RBFOX1: variants seen among roughly 807,000 people sequenced by gnomAD.
RBFOX1 encodes RNA binding fox-1 homolog 1.
In RBFOX1, 8 loss-of-function variants were observed where a neutral mutation model predicts 57.7. The ratio of observed to expected loss-of-function variants is 0.14; its 90% CI spans 0.08 to 0.25. The LOEUF (loss-of-function observed/expected upper bound fraction) is 0.25, where lower values mean the gene tolerates loss of function less well. RBFOX1 is among the 10% of genes least tolerant of loss of function. The pLI, the probability that RBFOX1 is intolerant of heterozygous loss-of-function variation, is 1.00. For missense variants in RBFOX1, 611 were observed against 548.5 expected (o/e 1.11, Z -1.14); for synonymous variants, 326 against 222.4 (o/e 1.47, Z -4.15).
intron 3 of RBFOX1, among the ~76,000 whole-genome samples, chr16:6,847,846 G>T (rs7199792): frequency 0.085 from 12,837 of 151,802 alleles, 726 homozygotes; most frequent in East Asian, 0.26. Flanking sequence ...TTTTGGTGGT[G>T]GTTGTTGTTG....
At chr16:7,043,790 C>T (rs1451909251) in intron 3 of RBFOX1, among the ~76,000 whole-genome samples, 3 of 152,192 alleles carry the variant, frequency 2.0e-5, no homozygotes, top group Non-Finnish European at 2.9e-5. Context: ...CTCACCAGTT[C>T]CCTCTTGCAC....
At chr16:5,258,977 C>T (rs995547687) in intron 1 of RBFOX1, among the ~76,000 whole-genome samples, 1 of 152,008 alleles carries the variant, frequency 6.6e-6, no homozygotes, top group Non-Finnish European at 1.5e-5. Flanking sequence ...TCCCATCTGG[C>T]CCCTGCTCCT....
At chr16:6,013,684 A>G (rs2094975387) in intron 4 of RBFOX1, among the ~76,000 whole-genome samples, 1 of 152,168 alleles carries the variant, frequency 6.6e-6, no homozygotes, top group South Asian at 2.1e-4. Flanking sequence ...TTGCTCATCT[A>G]TTTAAAAAGG....
Position 6,610,654 on chromosome 16 carries a change from A to G in RBFOX1, c.-63-43949A>G, listed in dbSNP as rs139737918. 3.5e-3 allele frequency among the ~76,000 whole-genome samples: 538 copies of G among 152,280 alleles called. 8 individuals carry two copies. The highest frequency in any genetic ancestry group is 0.012 in the African/African-American group (499 of 41,556). On this transcript the variant is annotated intron_variant, in intron 2 of 15. Coordinates refer to ENST00000550418, the MANE Select transcript of RBFOX1 (RefSeq NM_018723.4). ...CCGATCAACATTATCCTGATTATAC[A>G]TTAACTCAGGTGAGCTTCATATATG...
intron 4 of RBFOX1, among the ~76,000 whole-genome samples, chr16:7,217,627 C>T (rs2092315020): frequency 6.6e-6 from 1 of 151,434 alleles, no homozygotes; most frequent in African/African-American, 2.4e-5. Flanking sequence ...AATTACTTGG[C>T]TTGAAAAGGA....
intron 1 of RBFOX1, among the ~76,000 whole-genome samples, chr16:5,405,699 G>A (rs995108544): frequency 2.0e-5 from 3 of 152,192 alleles, no homozygotes; most frequent in African/African-American, 7.2e-5. Flanking sequence ...CTCATGGGAG[G>A]CAGACTTGGT....
intron 4 of RBFOX1, among the ~76,000 whole-genome samples, chr16:7,193,329 C>G (rs1225505480): frequency 5.3e-5 from 8 of 152,192 alleles, no homozygotes. Flanking sequence ...AAGGCAAGAA[C>G]TCAGATTCTT....
intron 3 of RBFOX1, among the ~76,000 whole-genome samples, chr16:5,767,831 C>G (rs186377018): frequency 6.6e-6 from 1 of 152,128 alleles, no homozygotes; most frequent in Non-Finnish European, 1.5e-5. Context: ...TGGCCACCTC[C>G]TCCCCCTCAC....
In RBFOX1 at chr16:7,712,238, C is replaced by T. The variant is rs893013836; in HGVS notation, c.*1493C>T. On this transcript the variant is annotated 3_prime_UTR_variant, in exon 16 of 16. Coordinates refer to ENST00000550418, the MANE Select transcript of RBFOX1 (RefSeq NM_018723.4). ...TTTTGTATTTAAATAAAAACAACAGCAGCAGGCTGTCCCTGAGTAGTTTTG... is the reference window on the plus strand; with the variant it reads ...TTTTGTATTTAAATAAAAACAACAGTAGCAGGCTGTCCCTGAGTAGTTTTG... The T allele has an allele frequency of 3.3e-5, 5 of 152,714 alleles. No homozygotes were observed. Among genetic ancestry groups the T allele is most frequent in the African/African-American group, 9.6e-5 (4 of 41,556 alleles). 9.5% of individuals were successfully genotyped at this position (152,714 alleles called of 1,614,324 possible). A position where few individuals can be genotyped will look rare whatever the true frequency, so the allele number is the denominator to read the frequency against.
At chr16:7,166,971 T>C (rs12933573) in intron 4 of RBFOX1, among the ~76,000 whole-genome samples, 10 of 118,090 alleles carry the variant, frequency 8.5e-5, no homozygotes, top group African/African-American at 3.2e-4. Context: ...GCATTGGTGT[T>C]CTTTTTTTTT....
intron 1 of RBFOX1, among the ~76,000 whole-genome samples, chr16:5,258,313 G>A (rs1233141690): frequency 6.6e-6 from 1 of 152,002 alleles, no homozygotes; most frequent in Non-Finnish European, 1.5e-5. Flanking sequence ...TACTCCATTT[G>A]TTTTTCTGAA....
At chr16:5,813,068 T>C (rs891029061) in intron 3 of RBFOX1, among the ~76,000 whole-genome samples, 1 of 150,396 alleles carries the variant, frequency 6.6e-6, no homozygotes, top group East Asian at 1.9e-4. Flanking sequence ...AGTGCAGTGG[T>C]GCAATCTTGG....
chr16:5,704,375 G>A (rs1172849076), intron 3 of RBFOX1, among the ~76,000 whole-genome samples: 1 of 152,044 alleles, frequency 6.6e-6, no homozygotes, highest in Non-Finnish European at 1.5e-5. Context: ...CACACAGAGG[G>A]GCCCTGGGGG....
intron 3 of RBFOX1, among the ~76,000 whole-genome samples, chr16:6,838,161 A>T (rs1434353178): frequency 2.0e-5 from 3 of 152,032 alleles, no homozygotes; most frequent in Non-Finnish European, 4.4e-5. Flanking sequence ...TATTTGTCCT[A>T]ATGCTCTACC....
chr16:7,363,450 C>A (rs1004656029), intron 4 of RBFOX1, among the ~76,000 whole-genome samples: 1 of 151,958 alleles, frequency 6.6e-6, no homozygotes, highest in Non-Finnish European at 1.5e-5. Context: ...AGTGTCTGAG[C>A]CAGATTCAAT....
At chr16:6,566,517 A>T (rs948901059) in intron 2 of RBFOX1, among the ~76,000 whole-genome samples, 1 of 152,128 alleles carries the variant, frequency 6.6e-6, no homozygotes, top group Non-Finnish European at 1.5e-5. Flanking sequence ...TGTAATGAAT[A>T]TCTGGTTTCA....
chr16:7,140,704 G>A (rs543703015), intron 4 of RBFOX1, among the ~76,000 whole-genome samples: 69 of 152,222 alleles, frequency 4.5e-4, no homozygotes, highest in African/African-American at 1.6e-3. Flanking sequence ...GATATCCTGT[G>A]CAATAATTAT....
intron 4 of RBFOX1, among the ~76,000 whole-genome samples, chr16:7,346,122 C>G (rs2096997941): frequency 6.6e-6 from 1 of 152,148 alleles, no homozygotes; most frequent in Non-Finnish European, 1.5e-5. Context: ...ATGATGGTTT[C>G]TAGCTTCATC....
At chr16:7,033,184 G>C (rs553718532) in intron 3 of RBFOX1, among the ~76,000 whole-genome samples, 1 of 152,098 alleles carries the variant, frequency 6.6e-6, no homozygotes, top group Admixed American at 6.6e-5. Context: ...GTTGATTTTA[G>C]GGATTATAGG....
Sources: allele counts gnomAD v4.1 joint callset (sites outside exome capture counted in the v4.1 genomes callset), GRCh38; gene constraint gnomAD v4.1.1; transcripts MANE v1.5; gene names NCBI Gene and HGNC (gene_info 2026-07-23, HGNC 2026-07-21).